MON1B: variants seen among roughly 807,000 people sequenced by gnomAD.
MON1B encodes MON1 vesicular trafficking associated B.
In MON1B, 26 loss-of-function variants were observed where a neutral mutation model predicts 45.1. That is an observed-to-expected ratio of 0.58 (90% CI 0.42 to 0.80). MON1B has a LOEUF of 0.80. Ranked by LOEUF, MON1B falls within the 30% of genes least tolerant of loss-of-function variation. MON1B has a pLI of 0.00. For missense variants in MON1B, 737 were observed against 754.5 expected (o/e 0.98, Z 0.27); for synonymous variants, 395 against 320.2 (o/e 1.23, Z -2.49).
intron 5 of MON1B, among the ~76,000 whole-genome samples, chr16:77,197,365 CA>C (rs2142502541): frequency 6.6e-6 from 1 of 152,278 alleles, no homozygotes; most frequent in East Asian, 1.9e-4. Context: ...CACTGCACTC[CA>C]GCCTGGGTAA....
rs1361008837 is a variant in MON1B at position 77,201,478 on chromosome 16, G to A, written c.*3170G>A. The A allele has an allele frequency of 6.6e-6, 1 of 152,224 alleles. No homozygotes were observed. Among genetic ancestry groups the A allele is most frequent in the East Asian group, 1.9e-4 (1 of 5,198 alleles). 9.4% of individuals were successfully genotyped at this position (152,224 alleles called of 1,614,324 possible). On this transcript the variant is annotated 3_prime_UTR_variant, in exon 6 of 6. Transcript: ENST00000248248. The stretch of plus-strand genomic sequence containing the variant: ...CATAGTATCTGGTATTGACGACCTT[G>A]TAGAGAAACAGGCCTTTTCCTGCCT...
At chr16:77,196,020 C>A (rs927912523) in intron 5 of MON1B, among the ~76,000 whole-genome samples, 1 of 152,198 alleles carries the variant, frequency 6.6e-6, no homozygotes, top group Non-Finnish European at 1.5e-5. Flanking sequence ...GGAGGCACCC[C>A]ATTCATCACC....
At chr16:77,192,129 A>T (rs572810389) in intron 2 of MON1B, among the ~76,000 whole-genome samples, 12 of 152,278 alleles carry the variant, frequency 7.9e-5, no homozygotes, top group Admixed American at 2.6e-4. Context: ...ACCAAATGTT[A>T]GTGGATGTGT....
chr16:77,201,216 G>A lies in MON1B; in HGVS notation c.*2908G>A, dbSNP rs1046497788. On this transcript the variant is annotated 3_prime_UTR_variant, in exon 6 of 6. Coordinates refer to ENST00000248248, the MANE Select transcript of MON1B (RefSeq NM_014940.4). ...GAGCAGAGAGCTCTTTTAGATTAGA[G>A]GCACATACTAAGTGCCAGCATTCAA... is the stretch of plus-strand genomic sequence containing the variant. 2.0e-5 allele frequency: 3 copies of A among 152,082 alleles called. No homozygotes were observed. Among genetic ancestry groups the A allele is most frequent in the African/African-American group, 7.2e-5 (3 of 41,382 alleles). The allele number at this position is 152,082 out of a possible 1,614,324, so 9.4% of individuals were successfully genotyped here.
chr16:77,194,419 G>C lies in MON1B; in HGVS notation c.560G>C (p.Arg187Pro). 6.2e-7 allele frequency: 1 copy of C among 1,613,716 alleles called. No homozygotes were observed. The highest frequency in any genetic ancestry group is 8.5e-7 in the Non-Finnish European group (1 of 1,180,028). ...SRTSQSAAQL[R>P]GELLAVHAQI... The stretch of plus-strand genomic sequence containing the variant: ...ACTTCTCAGTCAGCAGCCCAGCTGC[G>C]GGGGGAGCTGCTAGCTGTGCACGCA... The change falls in exon 4 of 6, where the codon CGG becomes CCG. Residue 187 changes from arginine (R) to proline (P), a missense_variant. Physicochemically the swap from Arg to Pro is moderately radical, Grantham distance 103. Coordinates refer to ENST00000248248, the MANE Select transcript of MON1B (RefSeq NM_014940.4). The surrounding 1 kb of genome is among the most constrained non-coding windows in gnomAD (Gnocchi z 8.1).
intron 5 of MON1B, among the ~76,000 whole-genome samples, chr16:77,197,705 C>T (rs1330290397): frequency 6.6e-6 from 1 of 152,132 alleles, no homozygotes; most frequent in Non-Finnish European, 1.5e-5. Flanking sequence ...CAGGCCTCTC[C>T]ATGTGGTATG....
chr16:77,197,054 C>A (rs1046729298), intron 5 of MON1B, among the ~76,000 whole-genome samples: 1 of 152,046 alleles, frequency 6.6e-6, no homozygotes, highest in Non-Finnish European at 1.5e-5. Context: ...AGCCCTTATA[C>A]CTTTTAGTAG....
At position 77,199,424 on chromosome 16, in the gene MON1B, G is replaced by A. The variant is rs1454313027; in HGVS notation, c.*1116G>A. 1.3e-6 allele frequency: 2 copies of A among 1,550,836 alleles called. No individual in the cohort carries two copies. The highest frequency in any genetic ancestry group is 2.4e-5 in the East Asian group (1 of 40,912). On this transcript the variant is annotated 3_prime_UTR_variant, in exon 6 of 6. Coordinates refer to ENST00000248248, the MANE Select transcript of MON1B (RefSeq NM_014940.4). ...TCTTTTTTAACCAGTCATCAAGCGA[G>A]GCTCGCGCGCAGGCCCCGCGTTGGA...
Position 77,194,837 on chromosome 16 carries a change from C to T in MON1B, c.978C>T (p.Cys326=). 4 of 1,610,546 alleles carry T rather than the reference C, an allele frequency of 2.5e-6. No homozygotes were observed. The highest frequency in any genetic ancestry group is 3.4e-6 in the Non-Finnish European group (4 of 1,180,004). The change falls in exon 4 of 6, where the codon TGC becomes TGT. Residue 326 remains cysteine (C), a synonymous_variant. Coordinates refer to ENST00000248248, the MANE Select transcript of MON1B (RefSeq NM_014940.4). This position sits in a 1 kb window ranked among gnomAD's most constrained non-coding sequence, Gnocchi z 8.1. Reference sequence around the variant, plus strand: ...CGGGTGAGGCTTGGGCACCTGTGTGCCTGCCCCGCTTCAACCCTGATGGTT... The same window carrying T: ...CGGGTGAGGCTTGGGCACCTGTGTGTCTGCCCCGCTTCAACCCTGATGGTT... ...FAAGEAWAPV[C]LPRFNPDGFF... is the part of the protein sequence containing the mutation.
In MON1B at chr16:77,200,256, G is replaced by GTATATATATATATGTATATATA. The variant is rs2054719886; in HGVS notation, c.*1961_*1962insGTATATATATATATATATATAT. 2 of 83,634 alleles carry GTATATATATATATGTATATATA rather than the reference G, an allele frequency of 2.4e-5. No homozygotes were observed. The highest frequency in any genetic ancestry group is 3.7e-5 in the African/African-American group (1 of 26,958). 5.2% of individuals were successfully genotyped at this position (83,634 alleles called of 1,614,324 possible). On this transcript the variant is annotated 3_prime_UTR_variant, in exon 6 of 6. Coordinates refer to ENST00000248248, the MANE Select transcript of MON1B (RefSeq NM_014940.4). ...TGTATATATATATATATGTATATGTGTATATATATATATATGTGTATATAT... is the reference window on the plus strand; with the variant it reads ...TGTATATATATATATATGTATATGTGTATATATATATATGTATATATATATATATATATATATGTGTATATAT...
rs577294720 is a variant in MON1B at position 77,195,075 on chromosome 16, G to C, written c.1216G>C (p.Gly406Arg). 39 of 1,605,560 alleles carry C rather than the reference G, an allele frequency of 2.4e-5. No homozygotes were observed. Among genetic ancestry groups the C allele is most frequent in the Non-Finnish European group, 3.0e-5 (35 of 1,179,744 alleles). Residue 406 changes from glycine (G) to arginine (R), a missense_variant, in exon 4 of 6, where the codon GGG (glycine) becomes CGG (arginine). By Grantham distance (125) the Gly-to-Arg change is moderately radical. Coordinates refer to ENST00000248248, the MANE Select transcript of MON1B (RefSeq NM_014940.4). Reference protein sequence around the residue: ...SAPAYSVQAVGAPGLRHFLYK... With the variant: ...SAPAYSVQAVRAPGLRHFLYK... ...TCCTGCCTACAGCGTGCAGGCTGTC[G>C]GGGCGCCGGGCCTCCGGCACTTCCT...
At chr16:77,192,183 G>T (rs2054621680) in intron 2 of MON1B, among the ~76,000 whole-genome samples, 1 of 152,192 alleles carries the variant, frequency 6.6e-6, no homozygotes, top group African/African-American at 2.4e-5. Context: ...TGAGAAGTCT[G>T]TGCCATTGAT....
chr16:77,198,161 A>G lies in MON1B; in HGVS notation c.1497A>G (p.Ala499=). The G allele has an allele frequency of 6.2e-7, 1 of 1,614,166 alleles. No individual in the cohort carries two copies. Among genetic ancestry groups the G allele is most frequent in the Non-Finnish European group, 8.5e-7 (1 of 1,180,030 alleles). The change falls in exon 6 of 6, where the codon GCA becomes GCG. Residue 499 remains alanine (A), a synonymous_variant. Transcript: ENST00000248248. The part of the protein sequence containing the change: ...YTCLSPLVTK[A]GAILVVTKLL... ...GCCTCAGCCCTCTGGTGACCAAGGC[A>G]GGTGCAATCTTGGTAGTGACCAAAC...
chr16:77,198,062 T>C (rs754973097), intron 5 of MON1B, 46 bp from the exon 6 acceptor site: 1 of 1,579,748 alleles, frequency 6.3e-7, no homozygotes, highest in Non-Finnish European at 8.7e-7. Flanking sequence ...GGATTGTCCA[T>C]AGCCAGCTCT....
Position 77,200,282 on chromosome 16 carries a change from A to ATATATATATATGTG in MON1B, c.*1984_*1985insTGTGTATATATATA, listed in dbSNP as rs2054722750. 8.8e-6 allele frequency: 1 copy of ATATATATATATGTG among 114,204 alleles called. No homozygotes were observed. The highest frequency in any genetic ancestry group is 3.0e-5 in the African/African-American group (1 of 33,264). 7.1% of individuals were successfully genotyped at this position (114,204 alleles called of 1,614,324 possible). A position where few individuals can be genotyped will look rare whatever the true frequency, so the allele number is the denominator to read the frequency against. On this transcript the variant is annotated 3_prime_UTR_variant, in exon 6 of 6. Transcript: ENST00000248248. The stretch of plus-strand genomic sequence containing the variant: ...TATATATATATATATGTGTATATAT[A>ATATATATATATGTG]TATATATATACACACACTAATCAGC...
At chr16:77,196,446 T>C (rs1157789193) in intron 5 of MON1B, among the ~76,000 whole-genome samples, 1 of 152,186 alleles carries the variant, frequency 6.6e-6, no homozygotes, top group African/African-American at 2.4e-5. Context: ...AACTCCATCA[T>C]TCTTTCTACA....
Position 77,191,462 on chromosome 16 carries a change from C to T in MON1B, c.-10-14C>T, listed in dbSNP as rs1362616075. ...CTTTCACCGCCCGTCACCCTCGATT[C>T]CCCTCCCACTCAGGGATGTGCAGAT... On this transcript the variant is annotated splice_polypyrimidine_tract_variant and intron_variant, in intron 1 of 5. Coordinates refer to ENST00000248248, the MANE Select transcript of MON1B (RefSeq NM_014940.4). 4 of 1,586,022 alleles carry T rather than the reference C, an allele frequency of 2.5e-6. No individual in the cohort carries two copies. Among genetic ancestry groups the T allele is most frequent in the East Asian group, 2.2e-5 (1 of 44,578 alleles).
rs751340853 is a variant in MON1B, at chr16:77,195,728, C to T, written c.1443+46C>T. 2.3e-5 allele frequency: 37 copies of T among 1,604,726 alleles called. No individual in the cohort carries two copies. The South Asian group carries it at 3.7e-4, about 16-fold the overall frequency. ...AGTGAATTAATTCCCCACTTCAAGC[C>T]TCCTTTCCCTATATTGTATCCCCTC... On this transcript the variant is annotated intron_variant, in intron 5 of 5. Coordinates refer to ENST00000248248, the MANE Select transcript of MON1B (RefSeq NM_014940.4).
At position 77,200,046 on chromosome 16, in the gene MON1B, C is replaced by G. The variant is rs1597380084; in HGVS notation, c.*1738C>G. On this transcript the variant is annotated 3_prime_UTR_variant, in exon 6 of 6. Transcript: ENST00000248248. ...TATTCCATCCAAAAGAAAAAAAAAT[C>G]TCAGGCCGGGCACGGAGGCTCACGC... The G allele has an allele frequency of 6.7e-6, 1 of 149,032 alleles. No homozygotes were observed. Among genetic ancestry groups the G allele is most frequent in the South Asian group, 2.1e-4 (1 of 4,818 alleles). 9.2% of individuals were successfully genotyped at this position (149,032 alleles called of 1,614,324 possible).
Sources: gnomAD v4.1 joint callset for allele counts (sites outside exome capture counted in the v4.1 genomes callset) on GRCh38, gnomAD v4.1.1 for gene constraint, Gnocchi (gnomAD v3.1) non-coding constraint, MANE v1.5 for transcripts, NCBI Gene and HGNC (gene_info 2026-07-23, HGNC 2026-07-21) for gene names.